PDK1: variants seen among roughly 807,000 people sequenced by gnomAD.
PDK1 encodes the protein pyruvate dehydrogenase kinase 1.
Under a neutral mutation model 54.2 loss-of-function variants are expected in PDK1, and 39 were observed. That is an observed-to-expected ratio of 0.72 (90% CI 0.56 to 0.94). The LOEUF (loss-of-function observed/expected upper bound fraction) is 0.94. Ranked by LOEUF, PDK1 falls within the 40% of genes least tolerant of loss-of-function variation. The probability of loss-of-function intolerance (pLI) is 0.00; values close to 1 mark genes in which losing one functional copy is unlikely to be tolerated. For missense variants in PDK1, 552 were observed against 566.0 expected, an observed-to-expected ratio of 0.98 and a Z score of 0.25; for synonymous variants, 221 against 207.1, an observed-to-expected ratio of 1.07 and a Z score of -0.58.
chr2:172,627,633 A>G, the PDK1 span, among the ~76,000 whole-genome samples: 2 of 152,182 alleles, frequency 1.3e-5, no homozygotes, highest in Non-Finnish European at 2.9e-5. Flanking sequence ...GCCCCCCCGA[A>G]GCATGGAAAT....
chr2:172,580,074 A>AT (rs1351042595), intron 8 of PDK1, among the ~76,000 whole-genome samples: 2 of 127,492 alleles, frequency 1.6e-5, no homozygotes, highest in African/African-American at 7.1e-5. Context: ...CTCTAAGGAT[A>AT]TTATTTTTTT....
At chr2:172,589,367 A>G (rs1474673355) in intron 9 of PDK1, among the ~76,000 whole-genome samples, 1 of 152,222 alleles carries the variant, frequency 6.6e-6, no homozygotes, top group East Asian at 1.9e-4. Flanking sequence ...AGCTATCACC[A>G]CCTTGGATCA....
At chr2:172,579,127 T>C (rs1251237621) in intron 8 of PDK1, among the ~76,000 whole-genome samples, 2 of 152,342 alleles carry the variant, frequency 1.3e-5, no homozygotes, top group Admixed American at 1.3e-4. Flanking sequence ...TCCCTAGACC[T>C]TCCTGTTAAG....
the PDK1 span, among the ~76,000 whole-genome samples, chr2:172,614,504 C>T: frequency 1.3e-5 from 2 of 152,154 alleles, no homozygotes; most frequent in African/African-American, 2.4e-5. Flanking sequence ...AGATGATGGG[C>T]GACCACCTTC....
chr2:172,644,756 T>C, the PDK1 span, among the ~76,000 whole-genome samples: 1 of 152,190 alleles, frequency 6.6e-6, no homozygotes, highest in Admixed American at 6.5e-5. Context: ...ATCTGGAAAA[T>C]GCAAATGAGA....
the PDK1 span, among the ~76,000 whole-genome samples, chr2:172,700,370 G>T: frequency 0.068 from 8,227 of 121,536 alleles, 52 homozygotes; most frequent in African/African-American, 0.12. Context: ...ACGGGGTGGC[G>T]GCGGGGCAGA....
At chr2:172,622,627 CAT>C in the PDK1 span, among the ~76,000 whole-genome samples, 1 of 139,842 alleles carries the variant, frequency 7.2e-6, no homozygotes, top group Non-Finnish European at 1.5e-5. Context: ...ATGTTTATCT[CAT>C]TATGTGAGAT....
chr2:172,617,666 C>A, the PDK1 span, among the ~76,000 whole-genome samples: 2 of 152,136 alleles, frequency 1.3e-5, no homozygotes, highest in Non-Finnish European at 2.9e-5. Flanking sequence ...ACCTAAACAC[C>A]TCCCATTAAG....
chr2:172,633,381 C>CTTTTTTTTTT, the PDK1 span, among the ~76,000 whole-genome samples: 1 of 103,996 alleles, frequency 9.6e-6, no homozygotes, highest in African/African-American at 3.7e-5. Flanking sequence ...GATTTTCTTT[C>CTTTTTTTTTT]TTTTTTTTTT....
At chr2:172,645,086 A>G in the PDK1 span, among the ~76,000 whole-genome samples, 1 of 152,104 alleles carries the variant, frequency 6.6e-6, no homozygotes, top group Non-Finnish European at 1.5e-5. Context: ...TTTATAAGCC[A>G]ATTTTTAAAC....
intron 8 of PDK1, among the ~76,000 whole-genome samples, chr2:172,573,030 G>A (rs1689368034): frequency 6.6e-6 from 1 of 152,020 alleles, no homozygotes; most frequent in South Asian, 2.1e-4. Flanking sequence ...CTATTTTTTG[G>A]TTATTATAAA....
At chr2:172,591,564 A>G (rs1311817783) in intron 9 of PDK1, among the ~76,000 whole-genome samples, 2 of 152,190 alleles carry the variant, frequency 1.3e-5, no homozygotes, top group Non-Finnish European at 2.9e-5. Context: ...AGGATAATGA[A>G]GTAGATAAAC....
At chr2:172,577,244 G>A (rs756703024) in intron 8 of PDK1, among the ~76,000 whole-genome samples, 6 of 151,846 alleles carry the variant, frequency 4.0e-5, no homozygotes, top group African/African-American at 1.2e-4. Context: ...TATTTTGTTT[G>A]AAGTTAGTGT....
intron 2 of PDK1, among the ~76,000 whole-genome samples, chr2:172,561,699 G>A (rs1351191229): frequency 6.6e-6 from 1 of 151,962 alleles, no homozygotes; most frequent in East Asian, 1.9e-4. Flanking sequence ...TGTGTTTTTT[G>A]TTCAGTTTAA....
At chr2:172,571,227 C>T (rs1275208272) in intron 8 of PDK1, among the ~76,000 whole-genome samples, 2 of 152,106 alleles carry the variant, frequency 1.3e-5, no homozygotes, top group African/African-American at 2.4e-5. Flanking sequence ...GTAATTTTAT[C>T]CTCACTTTTA....
chr2:172,556,359 C>T lies in PDK1; in HGVS notation c.196+13C>T, dbSNP rs775440771. ...TTCCTGGACTTCGGTGAGTGCGGCCCGGGACCTTGGGCCTTTTTGCGCGGT... is the reference window on the plus strand; with the variant it reads ...TTCCTGGACTTCGGTGAGTGCGGCCTGGGACCTTGGGCCTTTTTGCGCGGT... On this transcript the variant is annotated intron_variant, in intron 1 of 10. Transcript: ENST00000282077. 11 of 1,419,684 alleles carry T rather than the reference C, an allele frequency of 7.7e-6. No individual in the cohort carries two copies. The Admixed American group carries it at 1.5e-4, about 19-fold the overall frequency. The allele number at this position is 1,419,684 out of a possible 1,614,324, so 87.9% of individuals were successfully genotyped here. A position where few individuals can be genotyped will look rare whatever the true frequency, so the allele number is the denominator to read the frequency against.
the PDK1 span, among the ~76,000 whole-genome samples, chr2:172,688,886 C>T: frequency 6.6e-6 from 1 of 152,188 alleles, no homozygotes; most frequent in African/African-American, 2.4e-5. Flanking sequence ...GAGTTGGTTC[C>T]TTCCAGTGGG....
chr2:172,605,589 G>C lies in PDK1; in HGVS notation c.*9620G>C, dbSNP rs918891016. On this transcript the variant is annotated 3_prime_UTR_variant, in exon 11 of 11. Coordinates refer to ENST00000282077, the MANE Select transcript of PDK1 (RefSeq NM_002610.5). ...GGGGTTTCACCGTGTTGGCCAGGCT[G>C]GTCTCGAACTCCTGAGCTCAAGTGA... 1 of 152,096 alleles carries C rather than the reference G, an allele frequency of 6.6e-6. No individual in the cohort carries two copies. Among genetic ancestry groups the C allele is most frequent in the African/African-American group, 2.4e-5 (1 of 41,358 alleles). 9.4% of individuals were successfully genotyped at this position (152,096 alleles called of 1,614,324 possible).
the PDK1 span, among the ~76,000 whole-genome samples, chr2:172,650,635 A>G: frequency 6.6e-6 from 1 of 152,144 alleles, no homozygotes; most frequent in Non-Finnish European, 1.5e-5. Context: ...ATGGAGGAAG[A>G]TCTACCAAGC....
Sources: allele counts gnomAD v4.1 joint callset (sites outside exome capture counted in the v4.1 genomes callset), GRCh38; gene constraint gnomAD v4.1.1; transcripts MANE v1.5; gene names NCBI Gene and HGNC (gene_info 2026-07-23, HGNC 2026-07-21).